Variants in MAP4K5 observed in about 807,000 individuals in gnomAD.
The protein encoded by MAP4K5 is mitogen-activated protein kinase kinase kinase kinase 5.
In MAP4K5, 82 loss-of-function variants were observed where a neutral mutation model predicts 135.6. The ratio of observed to expected loss-of-function variants is 0.60; its 90% CI spans 0.51 to 0.73. The LOEUF (loss-of-function observed/expected upper bound fraction) is 0.73, where lower values mean the gene tolerates loss of function less well. Among genes scored for constraint, MAP4K5 ranks in the 30% least tolerant of loss-of-function variants. MAP4K5 has a pLI of 0.00. For synonymous variants in MAP4K5, 347 were observed against 335.0 expected (o/e 1.04, Z -0.39); for missense variants, 907 against 1,010.9 (o/e 0.90, Z 1.39).
intron 2 of MAP4K5, among the ~76,000 whole-genome samples, chr14:50,518,490 G>A (rs999839952): frequency 1.3e-5 from 2 of 152,010 alleles, no homozygotes; most frequent in Non-Finnish European, 2.9e-5. Flanking sequence ...GAGAACATGC[G>A]GTGCAAAACT....
intron 20 of MAP4K5, among the ~76,000 whole-genome samples, chr14:50,443,306 A>T (rs1180048999): frequency 1.3e-5 from 2 of 151,760 alleles, no homozygotes; most frequent in East Asian, 3.9e-4. Context: ...CATTCATGGG[A>T]TCATGGGGTT....
intron 28 of MAP4K5, among the ~76,000 whole-genome samples, chr14:50,433,200 T>C (rs571193606): frequency 1.3e-5 from 2 of 152,334 alleles, no homozygotes; most frequent in South Asian, 4.1e-4. Context: ...ATTTGTACCT[T>C]TTCTGTTAGC....
chr14:50,551,535 A>G (rs12881560), intron 1 of MAP4K5, among the ~76,000 whole-genome samples: 31,287 of 152,080 alleles, frequency 0.21, 3,927 homozygotes, highest in Middle Eastern at 0.29. Flanking sequence ...TGAAGGCAGT[A>G]TTACCCTAAT....
intron 2 of MAP4K5, 121 bp downstream of exon 2, chr14:50,531,821 C>A: frequency 2.5e-6 from 2 of 788,226 alleles, no homozygotes. Flanking sequence ...ACCCCGGCCG[C>A]TTTCTCCCCA....
At chr14:50,528,774 T>G (rs1595553642) in intron 2 of MAP4K5, among the ~76,000 whole-genome samples, 2 of 152,274 alleles carry the variant, frequency 1.3e-5, no homozygotes, top group Admixed American at 1.3e-4. Flanking sequence ...TCATTATTCT[T>G]TACTGCAGGT....
chr14:50,475,434 A>G (rs915655375), intron 8 of MAP4K5, among the ~76,000 whole-genome samples: 3 of 152,078 alleles, frequency 2.0e-5, no homozygotes, highest in Non-Finnish European at 4.4e-5. Flanking sequence ...GAAAAAAAAA[A>G]GCACAAAAAA....
intron 1 of MAP4K5, among the ~76,000 whole-genome samples, chr14:50,549,771 G>T (rs1039433406): frequency 6.6e-6 from 1 of 152,186 alleles, no homozygotes; most frequent in Non-Finnish European, 1.5e-5. Context: ...GAAAAAAAAG[G>T]AATGGCCTTT....
chr14:50,528,224 T>A (rs989145052), intron 2 of MAP4K5, among the ~76,000 whole-genome samples: 1 of 152,102 alleles, frequency 6.6e-6, no homozygotes, highest in African/African-American at 2.4e-5. Flanking sequence ...TTTATGTTCC[T>A]CCTCTTCTTT....
At chr14:50,551,653 A>G (rs767670051) in intron 1 of MAP4K5, among the ~76,000 whole-genome samples, 11 of 152,364 alleles carry the variant, frequency 7.2e-5, no homozygotes, top group East Asian at 1.9e-4. Flanking sequence ...TGAATCTAAT[A>G]GCATATCAAA....
chr14:50,497,289 T>C (rs952287719), intron 3 of MAP4K5, among the ~76,000 whole-genome samples: 6 of 152,248 alleles, frequency 3.9e-5, no homozygotes, highest in Admixed American at 3.9e-4. Context: ...TAACCTTTAT[T>C]CATTTTCTGT....
Position 50,434,976 on chromosome 14 carries a change from A to C in MAP4K5, c.1972T>G (p.Phe658Val), listed in dbSNP as rs1199799005. ...ATAATATATACCTTTATCAACATGAATTTCTGCATTGGCTCATACCACTGA... is the reference window on the plus strand; with the variant it reads ...ATAATATATACCTTTATCAACATGACTTTCTGCATTGGCTCATACCACTGA... Reference protein sequence around the residue: ...LLQWYEPMQKFMLIKHFDFPL... With the variant: ...LLQWYEPMQKVMLIKHFDFPL... Residue 658 changes from phenylalanine to valine, a missense_variant, in exon 27 of 33, where the codon TTC becomes GTC. By Grantham distance (50) the Phe-to-Val change is conservative. Coordinates refer to ENST00000682126, the MANE Select transcript of MAP4K5 (RefSeq NM_006575.6). 6.2e-7 allele frequency: 1 copy of C among 1,602,964 alleles called. No homozygotes were observed.
intron 3 of MAP4K5, among the ~76,000 whole-genome samples, chr14:50,502,440 G>A (rs1158873406): frequency 2.6e-5 from 4 of 152,084 alleles, no homozygotes; most frequent in African/African-American, 9.7e-5. Context: ...CAATTAGACA[G>A]TGTAAGAGGG....
intron 9 of MAP4K5, among the ~76,000 whole-genome samples, chr14:50,471,473 A>C (rs2036960911): frequency 6.6e-6 from 1 of 152,190 alleles, no homozygotes; most frequent in African/African-American, 2.4e-5. Context: ...AAAGACATAA[A>C]GTAATTCACA....
intron 3 of MAP4K5, among the ~76,000 whole-genome samples, chr14:50,497,322 A>G (rs1441958133): frequency 6.6e-6 from 1 of 152,210 alleles, no homozygotes; most frequent in Non-Finnish European, 1.5e-5. Flanking sequence ...AAACCAATAA[A>G]ATGACATTTG....
chr14:50,437,560 C>T (rs1317258359), intron 25 of MAP4K5, 26 bp from the exon 26 acceptor site: 1 of 1,472,398 alleles, frequency 6.8e-7, no homozygotes, highest in Admixed American at 1.9e-5. Flanking sequence ...GATATAAATG[C>T]ACTCTACAGT....
At chr14:50,549,100 A>G (rs1411824121) in intron 1 of MAP4K5, among the ~76,000 whole-genome samples, 2 of 152,028 alleles carry the variant, frequency 1.3e-5, no homozygotes, top group Non-Finnish European at 2.9e-5. Flanking sequence ...GGACCCATTC[A>G]CTTTGAACAA....
chr14:50,559,242 TCTC>T (rs2038802775), intron 1 of MAP4K5: 2 of 152,070 alleles, frequency 1.3e-5, no homozygotes, highest in South Asian at 4.1e-4. Context: ...CTGGCAGTGA[TCTC>T]CTAAGAACCG....
chr14:50,463,994 C>A, intron 12 of MAP4K5, 58 bp downstream of exon 12: 2 of 825,490 alleles, frequency 2.4e-6, no homozygotes, highest in East Asian at 3.4e-5. Flanking sequence ...TACTTTTGTT[C>A]TACTGATATG....
chr14:50,421,629 C>T (rs1441334458), intron 32 of MAP4K5, among the ~76,000 whole-genome samples: 2 of 151,652 alleles, frequency 1.3e-5, no homozygotes, highest in African/African-American at 4.8e-5. Flanking sequence ...ATCTTAAAAA[C>T]AAGGAGATGC....
Sources: gnomAD v4.1 joint callset for allele counts (sites outside exome capture counted in the v4.1 genomes callset) on GRCh38, gnomAD v4.1.1 for gene constraint, MANE v1.5 for transcripts, NCBI Gene and HGNC (gene_info 2026-07-23, HGNC 2026-07-21) for gene names.